Variants in PDSS1 observed in about 807,000 individuals in gnomAD.
PDSS1 encodes the protein all trans-polyprenyl-diphosphate synthase PDSS1.
Under a neutral mutation model 57.5 loss-of-function variants are expected in PDSS1, and 43 were observed. That is an observed-to-expected ratio of 0.75 (90% CI 0.59 to 0.96). The LOEUF is 0.96. Ranked by LOEUF, PDSS1 falls within the 50% of genes least tolerant of loss-of-function variation. PDSS1 has a pLI of 0.00. For synonymous variants in PDSS1, 175 were observed against 191.3 expected (o/e 0.91, Z 0.70); for missense variants, 438 against 527.8 (o/e 0.83, Z 1.67).
intron 4 of PDSS1, among the ~76,000 whole-genome samples, chr10:26,706,810 A>G (rs1161699125): frequency 1.3e-5 from 2 of 152,194 alleles, no homozygotes; most frequent in Admixed American, 1.3e-4. Flanking sequence ...ATGTGTTACC[A>G]GCAGCAAATT....
At chr10:26,723,726 C>G in intron 6 of PDSS1, 80 bp from the exon 7 acceptor site, 1 of 972,980 alleles carries the variant, frequency 1.0e-6, no homozygotes, top group Non-Finnish European at 1.7e-6. Flanking sequence ...ACGAAGCTCC[C>G]TTCCAGTCAG....
Position 26,742,587 on chromosome 10 carries a change from T to C in PDSS1, c.1107+10T>C. ...ACAGTATGTACTACAGGTAAGACTG[T>C]TTTTTTAAAAAAAAGGCAGCAGCAG... On this transcript the variant is annotated intron_variant, in intron 11 of 11. Coordinates refer to ENST00000376215, the MANE Select transcript of PDSS1 (RefSeq NM_014317.5). The C allele has an allele frequency of 6.4e-7, 1 of 1,573,356 alleles. No homozygotes were observed. The highest frequency in any genetic ancestry group is 1.7e-5 in the Admixed American group (1 of 59,964).
At chr10:26,725,821 AT>A (rs1835932718) in intron 8 of PDSS1, among the ~76,000 whole-genome samples, 1 of 152,232 alleles carries the variant, frequency 6.6e-6, no homozygotes, top group African/African-American at 2.4e-5. Flanking sequence ...CACACCTGTA[AT>A]CCCAGCATTT....
Position 26,709,654 on chromosome 10 carries a change from C to T in PDSS1, c.353C>T (p.Thr118Ile), listed in dbSNP as rs1835357788. 1 of 1,613,422 alleles carries T rather than the reference C, an allele frequency of 6.2e-7. No individual in the cohort carries two copies. Among genetic ancestry groups the T allele is most frequent in the Admixed American group, 1.7e-5 (1 of 59,990 alleles). ...TTATTTCAGGAACTGCTTATATCAA[C>T]ATCAGAACTTAAGGAAATGTCTGAG... ...EDIRKELLIS[T>I]SELKEMSEYY... Residue 118 changes from threonine (T) to isoleucine (I), a missense_variant, in exon 5 of 12, where the codon ACA becomes ATA. By Grantham distance (89) the Thr-to-Ile change is moderately conservative. Coordinates refer to ENST00000376215, the MANE Select transcript of PDSS1 (RefSeq NM_014317.5).
chr10:26,734,310 GC>G (rs1836314339), intron 8 of PDSS1, among the ~76,000 whole-genome samples: 1 of 152,200 alleles, frequency 6.6e-6, no homozygotes, highest in Admixed American at 6.5e-5. Flanking sequence ...TTACAGAAAG[GC>G]AACTGTGCAG....
intron 5 of PDSS1, among the ~76,000 whole-genome samples, 165 bp downstream of exon 5, chr10:26,709,933 G>A (rs1194131609): frequency 2.2e-4 from 33 of 152,000 alleles, no homozygotes; most frequent in African/African-American, 7.2e-4. Flanking sequence ...CGGGTGGATC[G>A]TGAGATCAGG....
intron 9 of PDSS1, 22 bp from the exon 10 acceptor site, chr10:26,735,444 A>G (rs375741871): frequency 8.6e-6 from 13 of 1,516,780 alleles, no homozygotes; most frequent in Non-Finnish European, 9.2e-6. Flanking sequence ...TGCTCCTTAC[A>G]TCCCATTTTT....
rs1328519497 is a variant in PDSS1, at chr10:26,746,477, C to CTCTT, written c.*8_*11dup. On this transcript the variant is annotated 3_prime_UTR_variant, in exon 12 of 12. Coordinates refer to ENST00000376215, the MANE Select transcript of PDSS1 (RefSeq NM_014317.5). ...TGTACTCACAAGAGATAAATGACAACTCTTTCTGTTCTTTCTGGCAGCTAT... is the reference window on the plus strand; with the variant it reads ...TGTACTCACAAGAGATAAATGACAACTCTTTCTTTCTGTTCTTTCTGGCAGCTAT... 1 of 1,614,002 alleles carries CTCTT rather than the reference C, an allele frequency of 6.2e-7. No individual in the cohort carries two copies. The highest frequency in any genetic ancestry group is 8.5e-7 in the Non-Finnish European group (1 of 1,179,890).
intron 8 of PDSS1, among the ~76,000 whole-genome samples, chr10:26,730,133 C>T (rs1314992589): frequency 2.6e-5 from 4 of 151,560 alleles, no homozygotes; most frequent in African/African-American, 4.8e-5. Context: ...AGGATGGTCT[C>T]GATCTCCTGA....
rs773495425 is a variant in PDSS1, at chr10:26,720,287, C to T, written c.537C>T (p.His179=). Residue 179 remains histidine, a synonymous_variant, in exon 6 of 12, where the codon CAC becomes CAT. Transcript: ENST00000376215. Reference sequence around the variant, plus strand: ...TGATCCACACTGCTAGTCTGGTTCACGATGACGTTATTGACGATGCAAGTT... The same window carrying T: ...TGATCCACACTGCTAGTCTGGTTCATGATGACGTTATTGACGATGCAAGTT... ...AEMIHTASLV[H]DDVIDDASSR... 9.9e-6 allele frequency: 16 copies of T among 1,613,806 alleles called. No homozygotes were observed. The highest frequency in any genetic ancestry group is 6.7e-5 in the African/African-American group (5 of 74,888).
chr10:26,699,252 G>GAA lies in PDSS1; in HGVS notation c.129+1413_129+1414insAA, dbSNP rs1234768480. 3.3e-5 allele frequency among the ~76,000 whole-genome samples: 5 copies of GAA among 152,178 alleles called. No individual in the cohort carries two copies. In the East Asian group the frequency reaches 9.6e-4, roughly 29 times the overall value. On this transcript the variant is annotated intron_variant, in intron 1 of 11. Transcript: ENST00000376215. ...AGGGGCATGTGGGAGAAGAGGCTTA[G>GAA]AGGAGGAAGGTAGGCTTTGCTGTGA... is the stretch of plus-strand genomic sequence containing the variant.
chr10:26,709,484 C>A (rs1429494791), intron 4 of PDSS1, among the ~76,000 whole-genome samples, 154 bp from the exon 5 acceptor site: 2 of 151,978 alleles, frequency 1.3e-5, no homozygotes, highest in Non-Finnish European at 2.9e-5. Context: ...TCGCATGAAC[C>A]CGGGAGGCGG....
intron 4 of PDSS1, 86 bp from the exon 5 acceptor site, chr10:26,709,552 A>C: frequency 7.2e-7 from 1 of 1,392,194 alleles, no homozygotes; most frequent in Non-Finnish European, 1.0e-6. Flanking sequence ...CAAGAGCGAA[A>C]CTCCGTCTCA....
At chr10:26,714,479 AAAAG>A (rs1197844465) in intron 5 of PDSS1, 1 of 152,114 alleles carries the variant, frequency 6.6e-6, no homozygotes, top group African/African-American at 2.4e-5. Context: ...AAAAAAAAAA[AAAAG>A]AAAAGAAAAA....
chr10:26,737,096 T>C (rs1176868563), intron 10 of PDSS1, among the ~76,000 whole-genome samples: 1 of 152,226 alleles, frequency 6.6e-6, no homozygotes, highest in Admixed American at 6.5e-5. Flanking sequence ...AAGATTCCTT[T>C]ACCTAGGCTC....
chr10:26,707,603 C>T (rs567101111), intron 4 of PDSS1, among the ~76,000 whole-genome samples: 1 of 152,304 alleles, frequency 6.6e-6, no homozygotes, highest in African/African-American at 2.4e-5. Flanking sequence ...TATCCTGAGG[C>T]TTTTCTTCGG....
chr10:26,731,266 G>A (rs973483937), intron 8 of PDSS1, among the ~76,000 whole-genome samples: 12 of 152,266 alleles, frequency 7.9e-5, no homozygotes, highest in East Asian at 1.9e-4. Flanking sequence ...GCTTGAACCC[G>A]GGAGGTGGAG....
intron 8 of PDSS1, among the ~76,000 whole-genome samples, chr10:26,724,507 A>G (rs1204721536): frequency 1.3e-5 from 2 of 152,142 alleles, no homozygotes; most frequent in African/African-American, 2.4e-5. Flanking sequence ...GTTCTTTAAT[A>G]TAATATTTAC....
chr10:26,741,849 T>TA (rs1836623328), intron 10 of PDSS1, among the ~76,000 whole-genome samples: 1 of 152,118 alleles, frequency 6.6e-6, no homozygotes, highest in Non-Finnish European at 1.5e-5. Flanking sequence ...GTGATCCTGA[T>TA]ACGATTTAAA....
Sources: gnomAD v4.1 joint callset for allele counts (sites outside exome capture counted in the v4.1 genomes callset) on GRCh38, gnomAD v4.1.1 for gene constraint, MANE v1.5 for transcripts, NCBI Gene and HGNC (gene_info 2026-07-23, HGNC 2026-07-21) for gene names.